Variants in TLN2 observed in about 807,000 individuals in gnomAD.
The protein encoded by TLN2 is talin 2, also known as talin-2.
Under a neutral mutation model 294.7 loss-of-function variants are expected in TLN2, and 118 were observed. That is an observed-to-expected ratio of 0.40 (90% CI 0.34 to 0.47). The LOEUF (loss-of-function observed/expected upper bound fraction) is 0.47, where lower values mean the gene tolerates loss of function less well. Among genes scored for constraint, TLN2 ranks in the 20% least tolerant of loss-of-function variants. The pLI is 0.84. For missense variants in TLN2, 3,083 were observed against 3,282.2 expected, an observed-to-expected ratio of 0.94 and a Z score of 1.48; for synonymous variants, 1,431 against 1,304.5, an observed-to-expected ratio of 1.10 and a Z score of -2.09.
Position 62,736,866 on chromosome 15 carries a change from T to A in TLN2, c.3359-12T>A, listed in dbSNP as rs780074633. 1 of 1,611,232 alleles carries A rather than the reference T, an allele frequency of 6.2e-7. No homozygotes were observed. The highest frequency in any genetic ancestry group is 8.5e-7 in the Non-Finnish European group (1 of 1,178,042). ...GAGTCTAATTGGAAATCTGATGGACTTTTTCCCCCAGGGGTGGCTGCTAGA... is the reference window on the plus strand; with the variant it reads ...GAGTCTAATTGGAAATCTGATGGACATTTTCCCCCAGGGGTGGCTGCTAGA... On this transcript the variant is annotated splice_polypyrimidine_tract_variant and intron_variant, in intron 28 of 58. Coordinates refer to ENST00000636159, the MANE Select transcript of TLN2 (RefSeq NM_015059.3).
At chr15:62,544,081 A>C (rs2041854671) in intron 1 of TLN2, among the ~76,000 whole-genome samples, 1 of 152,174 alleles carries the variant, frequency 6.6e-6, no homozygotes, top group African/African-American at 2.4e-5. Flanking sequence ...AAGATAAGTT[A>C]GCTATCACGC....
At chr15:62,691,144 T>C (rs546272832) in intron 12 of TLN2, among the ~76,000 whole-genome samples, 1 of 152,144 alleles carries the variant, frequency 6.6e-6, no homozygotes, top group Non-Finnish European at 1.5e-5. Flanking sequence ...AAGTCTTCAC[T>C]AATTTGGGGA....
At chr15:62,492,593 C>A in intron 1 of TLN2, among the ~76,000 whole-genome samples, 1 of 151,268 alleles carries the variant, frequency 6.6e-6, no homozygotes, top group Non-Finnish European at 1.5e-5. Context: ...CCAATAATCC[C>A]AATGTCTAGA....
chr15:62,699,924 G>T (rs912639428), intron 16 of TLN2, among the ~76,000 whole-genome samples: 2 of 152,192 alleles, frequency 1.3e-5, no homozygotes, highest in African/African-American at 4.8e-5. Context: ...GACAACCACT[G>T]TTGTAGGACT....
At chr15:62,573,621 G>A (rs1322040042) in intron 1 of TLN2, among the ~76,000 whole-genome samples, 6 of 152,006 alleles carry the variant, frequency 3.9e-5, no homozygotes, top group African/African-American at 1.2e-4. Flanking sequence ...TTCCAGCCTG[G>A]GGGTGGAAGA....
Position 62,820,625 on chromosome 15 carries a change from A to G in TLN2, c.7002+15A>G, listed in dbSNP as rs2067481435. On this transcript the variant is annotated intron_variant, in intron 54 of 58. Transcript: ENST00000636159. ...CAAAACCAAAAGTAAGTGTTCATTT[A>G]TGGTTGGCTGTCCGATGTCAGTGGG... is the stretch of plus-strand genomic sequence containing the variant. 6.2e-7 allele frequency: 1 copy of G among 1,610,470 alleles called. No individual in the cohort carries two copies.
At chr15:62,564,417 G>A (rs543126369) in intron 1 of TLN2, among the ~76,000 whole-genome samples, 2 of 152,246 alleles carry the variant, frequency 1.3e-5, no homozygotes, top group Admixed American at 1.3e-4. Context: ...ACACATTGGT[G>A]GCAAGACTCA....
At position 62,393,091 on chromosome 15, in the gene TLN2, C is replaced by G. The variant is rs547537097; in HGVS notation, c.-238+2406C>G. Among the ~76,000 whole-genome samples, 6 of 152,126 alleles carry G rather than the reference C, an allele frequency of 3.9e-5. No individual in the cohort carries two copies. In the South Asian group the frequency reaches 1.2e-3, roughly 32 times the overall value. On this transcript the variant is annotated intron_variant, in intron 1 of 58. Transcript: ENST00000636159. ...AGCATAGCTAATTTAGAAGAGAAAT[C>G]AGTTGCAGAAAGCCTCAATCCGTTT...
Position 62,675,192 on chromosome 15 carries a change from G to A in TLN2, c.853-25G>A, listed in dbSNP as rs189066959. ...CCTGCTGGCAGAGATGCAATAACTG[G>A]TCCCGACCACTGTCACTTTTGCAGG... On this transcript the variant is annotated intron_variant, in intron 10 of 58. Transcript: ENST00000636159. 3,406 of 1,611,766 alleles carry A rather than the reference G, an allele frequency of 2.1e-3. 5 individuals carry two copies. Among genetic ancestry groups the A allele is most frequent in the Non-Finnish European group, 2.8e-3 (3,253 of 1,177,950 alleles).
chr15:62,591,944 G>A (rs900724291), intron 2 of TLN2, among the ~76,000 whole-genome samples: 1 of 152,148 alleles, frequency 6.6e-6, no homozygotes, highest in Non-Finnish European at 1.5e-5. Context: ...CTGGCTAAAA[G>A]ACCTGGGGCA....
In TLN2 at chr15:62,740,706, C is replaced by T; in HGVS notation, c.3962C>T (p.Ala1321Val). The T allele has an allele frequency of 6.2e-7, 1 of 1,614,198 alleles. No homozygotes were observed. Residue 1321 changes from alanine (A) to valine (V), a missense_variant, in exon 32 of 59, where the codon GCC becomes GTC. Coordinates refer to ENST00000636159, the MANE Select transcript of TLN2 (RefSeq NM_015059.3). ...SMASSKLLLA[A>V]KSLSVDPGAP... ...GCATCCAGCAAGCTGCTGTTAGCTG[C>T]CAAGTCTCTCTCTGTAGATCCAGGA...
chr15:62,513,063 A>G (rs578166901), intron 1 of TLN2, among the ~76,000 whole-genome samples: 70 of 152,062 alleles, frequency 4.6e-4, no homozygotes, highest in African/African-American at 1.6e-3. Flanking sequence ...TCCCCCTTTC[A>G]TGCATCCAAG....
intron 1 of TLN2, among the ~76,000 whole-genome samples, chr15:62,494,022 C>G (rs1373151451): frequency 1.3e-5 from 2 of 151,980 alleles, no homozygotes; most frequent in South Asian, 2.1e-4. Flanking sequence ...CCCCCTTTGT[C>G]TGGGTGATCC....
At chr15:62,605,295 T>C (rs961095971) in intron 2 of TLN2, among the ~76,000 whole-genome samples, 7 of 152,256 alleles carry the variant, frequency 4.6e-5, no homozygotes, top group African/African-American at 1.4e-4. Context: ...TTAAAATAAA[T>C]TGAGTTTGTT....
chr15:62,472,240 A>G (rs1329612381), intron 1 of TLN2, among the ~76,000 whole-genome samples: 3 of 151,866 alleles, frequency 2.0e-5, no homozygotes, highest in Non-Finnish European at 4.4e-5. Flanking sequence ...CACACCACCT[A>G]TCTGATAGAT....
intron 1 of TLN2, among the ~76,000 whole-genome samples, chr15:62,404,297 G>A (rs181180343): frequency 1.8e-3 from 272 of 152,306 alleles, no homozygotes; most frequent in African/African-American, 6.0e-3. Flanking sequence ...ATCTCTGAAG[G>A]GGGTACTTAA....
intron 1 of TLN2, among the ~76,000 whole-genome samples, chr15:62,408,417 A>G (rs2033559047): frequency 6.6e-6 from 1 of 152,204 alleles, no homozygotes; most frequent in African/African-American, 2.4e-5. Flanking sequence ...TGGGCCCCCA[A>G]AATTCTGAGC....
At chr15:62,439,609 C>A (rs1450313683) in intron 1 of TLN2, among the ~76,000 whole-genome samples, 1 of 152,104 alleles carries the variant, frequency 6.6e-6, no homozygotes, top group African/African-American at 2.4e-5. Context: ...CACCGTGCGC[C>A]TATCTTAGCC....
At chr15:62,570,635 G>A (rs1567117499) in intron 1 of TLN2, among the ~76,000 whole-genome samples, 1 of 151,938 alleles carries the variant, frequency 6.6e-6, no homozygotes, top group South Asian at 2.1e-4. Context: ...CTCAAGTTTA[G>A]CCTGTTGACA....
Sources: allele counts gnomAD v4.1 joint callset (sites outside exome capture counted in the v4.1 genomes callset), GRCh38; gene constraint gnomAD v4.1.1; transcripts MANE v1.5; gene names NCBI Gene and HGNC (gene_info 2026-07-23, HGNC 2026-07-21).